Variants in VWA3B observed in about 807,000 individuals in gnomAD.
VWA3B encodes von Willebrand factor A domain containing 3B.
Under a neutral mutation model 158.3 loss-of-function variants are expected in VWA3B, and 138 were observed. That is an observed-to-expected ratio of 0.87 (90% CI 0.76 to 1.00). The LOEUF is 1.00. Among genes scored for constraint, VWA3B ranks in the 50% least tolerant of loss-of-function variants. The pLI is 0.00. For synonymous variants in VWA3B, 596 were observed against 587.3 expected (o/e 1.01, Z -0.21); for missense variants, 1,555 against 1,565.1 (o/e 0.99, Z 0.11).
At chr2:98,211,838 T>G in intron 12 of VWA3B, 92 bp from the exon 13 acceptor site, 1 of 1,112,658 alleles carries the variant, frequency 9.0e-7, no homozygotes, top group Non-Finnish European at 1.3e-6. Flanking sequence ...CATAGGTACT[T>G]TTTCTTCTTT....
rs1675258155 is a variant in VWA3B at position 98,125,142 on chromosome 2, T to G, written c.703-3097T>G. Among the ~76,000 whole-genome samples, 1 of 152,224 alleles carries G rather than the reference T, an allele frequency of 6.6e-6. No homozygotes were observed. The highest frequency in any genetic ancestry group is 2.1e-4 in the South Asian group (1 of 4,834). On this transcript the variant is annotated intron_variant, in intron 5 of 27. Coordinates refer to ENST00000477737, the MANE Select transcript of VWA3B (RefSeq NM_144992.5). This position sits in a 1 kb window ranked among gnomAD's most constrained non-coding sequence, Gnocchi z 4.1. ...CTTCAAGGAGCTCAAAGACACTGGTTAAGGGAGCAGATTCCCATGAGGATA... is the reference window on the plus strand; with the variant it reads ...CTTCAAGGAGCTCAAAGACACTGGTGAAGGGAGCAGATTCCCATGAGGATA...
chr2:98,311,507 AG>A (rs1259602182), intron 26 of VWA3B, among the ~76,000 whole-genome samples: 2 of 152,226 alleles, frequency 1.3e-5, no homozygotes, highest in African/African-American at 4.8e-5. Context: ...GGGCGGACAC[AG>A]GTCTATGCTG....
intron 1 of VWA3B, among the ~76,000 whole-genome samples, chr2:98,088,512 C>G (rs926216867): frequency 2.6e-5 from 4 of 152,128 alleles, no homozygotes; most frequent in African/African-American, 4.8e-5. Context: ...CTCAGACTTT[C>G]ACTTCCTTGT....
At chr2:98,268,331 G>T (rs1687980698) in intron 21 of VWA3B, among the ~76,000 whole-genome samples, 2 of 152,028 alleles carry the variant, frequency 1.3e-5, no homozygotes, top group Admixed American at 1.3e-4. Context: ...ACATCAAAAA[G>T]CTTATCCACC....
intron 2 of VWA3B, among the ~76,000 whole-genome samples, chr2:98,114,486 G>A (rs1009504250): frequency 5.3e-5 from 8 of 152,048 alleles, no homozygotes; most frequent in African/African-American, 1.7e-4. Context: ...CTTGTGATTG[G>A]GGAGCAAGCC....
At chr2:98,318,196 T>C (rs894885141), downstream of VWA3B, among the ~76,000 whole-genome samples, 1 of 152,190 alleles carries the variant, frequency 6.6e-6, no homozygotes, top group African/African-American at 2.4e-5. Flanking sequence ...AGAAATACAA[T>C]TTGACCCAGC....
intron 13 of VWA3B, chr2:98,216,792 A>T: frequency 1.9e-6 from 1 of 520,160 alleles, no homozygotes; most frequent in Non-Finnish European, 3.7e-6. Flanking sequence ...GCAGCCGTTT[A>T]AGGAGGGAGT....
downstream of VWA3B, among the ~76,000 whole-genome samples, chr2:98,317,438 C>A (rs987371256): frequency 6.6e-6 from 1 of 152,140 alleles, no homozygotes; most frequent in Non-Finnish European, 1.5e-5. Context: ...GGAGGTGCCT[C>A]ATTATACCCT....
intron 12 of VWA3B, among the ~76,000 whole-genome samples, chr2:98,203,605 A>T (rs1574070780): frequency 6.6e-6 from 1 of 152,202 alleles, no homozygotes; most frequent in Admixed American, 6.5e-5. Flanking sequence ...GATTTATTTC[A>T]TCAGAATTTT....
At chr2:98,286,293 C>G (rs967720768) in intron 22 of VWA3B, among the ~76,000 whole-genome samples, 7 of 152,030 alleles carry the variant, frequency 4.6e-5, no homozygotes, top group Non-Finnish European at 4.4e-5. Flanking sequence ...TGGCTAGAAC[C>G]TCAAATACAA....
chr2:98,181,216 G>C lies in VWA3B; in HGVS notation c.1311+4G>C. ...TGAGTCCGTGCAGACCAGTGCGGTA[G>C]GTGAAGTGCACTCCTGGGAGGGGCT... On this transcript the variant is annotated splice_donor_region_variant and intron_variant, in intron 9 of 27. Transcript: ENST00000477737. The C allele has an allele frequency of 6.2e-7, 1 of 1,613,234 alleles. No individual in the cohort carries two copies.
intron 16 of VWA3B, among the ~76,000 whole-genome samples, chr2:98,233,431 G>A (rs568664609): frequency 1.3e-5 from 2 of 152,206 alleles, no homozygotes; most frequent in South Asian, 4.1e-4. Flanking sequence ...TTTTCATTTG[G>A]CTCACGTAAA....
chr2:98,285,915 G>T (rs1689140046), intron 22 of VWA3B, among the ~76,000 whole-genome samples: 1 of 152,006 alleles, frequency 6.6e-6, no homozygotes, highest in East Asian at 1.9e-4. Flanking sequence ...CCATGAACAT[G>T]GTATGTCACT....
intron 2 of VWA3B, among the ~76,000 whole-genome samples, chr2:98,108,997 T>TC (rs1212305632): frequency 1.0e-4 from 15 of 149,552 alleles, no homozygotes; most frequent in African/African-American, 3.7e-4. Context: ...TTCTTTTCTT[T>TC]TTTTTTTTTT....
intron 12 of VWA3B, among the ~76,000 whole-genome samples, chr2:98,204,315 C>T (rs1682827419): frequency 6.6e-6 from 1 of 152,244 alleles, no homozygotes; most frequent in African/African-American, 2.4e-5. Flanking sequence ...ATGTTGAGAG[C>T]AGACATACTT....
chr2:98,284,255 CT>C (rs1689041921), intron 22 of VWA3B, among the ~76,000 whole-genome samples: 2 of 152,242 alleles, frequency 1.3e-5, no homozygotes, highest in African/African-American at 2.4e-5. Context: ...TTATTCTCCA[CT>C]TCTGAGGACG....
intron 22 of VWA3B, among the ~76,000 whole-genome samples, chr2:98,279,954 A>G (rs1223943964): frequency 6.6e-6 from 1 of 152,108 alleles, no homozygotes; most frequent in Non-Finnish European, 1.5e-5. Context: ...TTTCTTAAAG[A>G]CTCAGAATTC....
At chr2:98,244,356 G>A (rs1252347598) in intron 19 of VWA3B, among the ~76,000 whole-genome samples, 5 of 152,026 alleles carry the variant, frequency 3.3e-5, no homozygotes, top group African/African-American at 9.7e-5. Flanking sequence ...ATCAAAAAAC[G>A]TTGCTAAATG....
intron 7 of VWA3B, among the ~76,000 whole-genome samples, chr2:98,161,977 A>G (rs1424413697): frequency 6.6e-6 from 1 of 152,178 alleles, no homozygotes; most frequent in Non-Finnish European, 1.5e-5. Context: ...AAAGTTTTAC[A>G]GGATTACAGG....
Sources: allele counts gnomAD v4.1 joint callset (sites outside exome capture counted in the v4.1 genomes callset), GRCh38; gene constraint gnomAD v4.1.1; non-coding constraint Gnocchi (gnomAD v3.1); transcripts MANE v1.5; gene names NCBI Gene and HGNC (gene_info 2026-07-23, HGNC 2026-07-21).